The following LDB2 variants were observed in gnomAD, a reference collection of about 807,000 sequenced individuals.
LDB2 encodes the protein LIM domain-binding protein 2.
Under a neutral mutation model 44.3 loss-of-function variants are expected in LDB2, and 12 were observed. That is an observed-to-expected ratio of 0.27 (90% CI 0.17 to 0.44). The LOEUF is 0.44. Ranked by LOEUF, LDB2 falls within the 20% of genes least tolerant of loss-of-function variation. The pLI is 1.00. For missense variants in LDB2, 344 were observed against 473.5 expected, an observed-to-expected ratio of 0.73 and a Z score of 2.54; for synonymous variants, 164 against 174.8, an observed-to-expected ratio of 0.94 and a Z score of 0.49.
intron 1 of LDB2, among the ~76,000 whole-genome samples, chr4:16,785,985 T>C (rs1368232182): frequency 1.3e-5 from 2 of 152,182 alleles, no homozygotes; most frequent in African/African-American, 4.8e-5. Flanking sequence ...GATGAGACTC[T>C]GCCTGCTGCT....
chr4:16,853,985 G>C (rs947031938), intron 1 of LDB2, among the ~76,000 whole-genome samples: 2 of 152,102 alleles, frequency 1.3e-5, no homozygotes, highest in African/African-American at 4.8e-5. Context: ...AGCAGGGGGT[G>C]AGCGGGGAGG....
chr4:16,729,389 G>A (rs1052798472), intron 2 of LDB2, among the ~76,000 whole-genome samples: 9 of 152,206 alleles, frequency 5.9e-5, no homozygotes, highest in East Asian at 1.9e-4. Context: ...GCTGGGCCAC[G>A]TGAAATTCAG....
At chr4:16,625,859 A>T (rs1392804198) in intron 2 of LDB2, among the ~76,000 whole-genome samples, 4 of 152,128 alleles carry the variant, frequency 2.6e-5, no homozygotes, top group Non-Finnish European at 5.9e-5. Context: ...CCTCTGCATA[A>T]AACCACTGGT....
intron 5 of LDB2, among the ~76,000 whole-genome samples, chr4:16,585,718 C>A (rs1336500004): frequency 6.6e-6 from 1 of 152,108 alleles, no homozygotes; most frequent in Non-Finnish European, 1.5e-5. Context: ...AGGACTCAAC[C>A]CTGACAAATT....
At chr4:16,703,262 A>G (rs1046014315) in intron 2 of LDB2, among the ~76,000 whole-genome samples, 2 of 152,216 alleles carry the variant, frequency 1.3e-5, no homozygotes, top group African/African-American at 2.4e-5. Flanking sequence ...TGAAAAAGGA[A>G]CTAATATTTA....
intron 1 of LDB2, among the ~76,000 whole-genome samples, chr4:16,769,107 G>A (rs191490688): frequency 8.5e-5 from 13 of 152,184 alleles, no homozygotes; most frequent in Admixed American, 2.6e-4. Flanking sequence ...TCTCTCTCTG[G>A]AACAGGCAGC....
chr4:16,845,747 G>A (rs1268407531), intron 1 of LDB2, among the ~76,000 whole-genome samples: 1 of 152,154 alleles, frequency 6.6e-6, no homozygotes, highest in Admixed American at 6.5e-5. Context: ...AGTACTACTA[G>A]TCCTAATTTA....
intron 1 of LDB2, among the ~76,000 whole-genome samples, chr4:16,818,345 C>T (rs562428837): frequency 1.3e-5 from 2 of 152,310 alleles, no homozygotes; most frequent in South Asian, 4.2e-4. Context: ...TTACCCAACA[C>T]AGCCCCACTC....
chr4:16,531,320 TCACCCTTGCTCCCAG>T (rs78730497), intron 5 of LDB2, among the ~76,000 whole-genome samples: 13,314 of 152,268 alleles, frequency 0.087, 611 homozygotes, highest in South Asian at 0.16. Flanking sequence ...TACTTCCCTG[TCACCCTTGCTCCCAG>T]CAGTATCTTT....
At chr4:16,727,686 A>G (rs890704962) in intron 2 of LDB2, among the ~76,000 whole-genome samples, 2 of 152,112 alleles carry the variant, frequency 1.3e-5, no homozygotes, top group African/African-American at 4.8e-5. Flanking sequence ...TTATTTTCTT[A>G]TATCTCCCGA....
chr4:16,736,712 G>GTC (rs1469464257), intron 2 of LDB2, among the ~76,000 whole-genome samples: 1 of 152,114 alleles, frequency 6.6e-6, no homozygotes, highest in Non-Finnish European at 1.5e-5. Context: ...GGTGTTGACA[G>GTC]TCTATTTTTC....
intron 1 of LDB2, among the ~76,000 whole-genome samples, chr4:16,885,691 A>T (rs1472991214): frequency 5.9e-5 from 9 of 152,160 alleles, no homozygotes; most frequent in Non-Finnish European, 7.3e-5. Context: ...AAATATTTTG[A>T]TTTATGGACC....
chr4:16,843,304 T>C (rs888362051), intron 1 of LDB2, among the ~76,000 whole-genome samples: 2 of 152,250 alleles, frequency 1.3e-5, no homozygotes, highest in Admixed American at 1.3e-4. Flanking sequence ...ACTGGATTAT[T>C]TCCTAAGAAG....
intron 2 of LDB2, among the ~76,000 whole-genome samples, chr4:16,630,599 A>G (rs924163566): frequency 6.6e-6 from 1 of 152,220 alleles, no homozygotes; most frequent in Non-Finnish European, 1.5e-5. Flanking sequence ...TATTAACCTT[A>G]AATGTAAATG....
chr4:16,748,928 G>C (rs1026033822), intron 2 of LDB2, among the ~76,000 whole-genome samples: 1 of 152,176 alleles, frequency 6.6e-6, no homozygotes, highest in Non-Finnish European at 1.5e-5. Context: ...TGAAACAAAA[G>C]CTCGCTGGAT....
chr4:16,671,109 A>G (rs1328144546), intron 2 of LDB2, among the ~76,000 whole-genome samples: 3 of 79,850 alleles, frequency 3.8e-5, no homozygotes, highest in Non-Finnish European at 8.8e-5. Context: ...TAGCACATAC[A>G]AAAAAAAAAA....
intron 3 of LDB2, among the ~76,000 whole-genome samples, chr4:16,593,280 C>T (rs1328555818): frequency 6.6e-6 from 1 of 152,096 alleles, no homozygotes; most frequent in Non-Finnish European, 1.5e-5. Context: ...TAGCAGGCTT[C>T]CCTTTAAAAA....
intron 7 of LDB2, among the ~76,000 whole-genome samples, chr4:16,507,929 C>G (rs1720176497): frequency 6.6e-6 from 1 of 152,152 alleles, no homozygotes; most frequent in Admixed American, 6.5e-5. Flanking sequence ...TCCTAATGGT[C>G]TTTGTCAAGA....
At chr4:16,796,544 A>C (rs1033750871) in intron 1 of LDB2, among the ~76,000 whole-genome samples, 3 of 152,190 alleles carry the variant, frequency 2.0e-5, no homozygotes, top group Non-Finnish European at 4.4e-5. Context: ...CCCATGCAGA[A>C]GAATCACAAG....
Sources: gnomAD v4.1 joint callset for allele counts (sites outside exome capture counted in the v4.1 genomes callset) on GRCh38, gnomAD v4.1.1 for gene constraint, MANE v1.5 for transcripts, NCBI Gene and HGNC (gene_info 2026-07-23, HGNC 2026-07-21) for gene names.